The following SLAMF1 variants were observed in gnomAD, a reference collection of about 807,000 sequenced individuals.
SLAMF1 encodes the protein signaling lymphocytic activation molecule family member 1.
Under a neutral mutation model 35.1 loss-of-function variants are expected in SLAMF1, and 18 were observed. That is an observed-to-expected ratio of 0.51 (90% CI 0.35 to 0.76). SLAMF1 has a LOEUF of 0.76. Among genes scored for constraint, SLAMF1 ranks in the 30% least tolerant of loss-of-function variants. The probability of loss-of-function intolerance (pLI) is 0.01; values close to 1 mark genes in which losing one functional copy is unlikely to be tolerated. For missense variants in SLAMF1, 392 were observed against 413.0 expected, an observed-to-expected ratio of 0.95 and a Z score of 0.44; for synonymous variants, 168 against 157.2, an observed-to-expected ratio of 1.07 and a Z score of -0.51.
intron 3 of SLAMF1, among the ~76,000 whole-genome samples, chr1:160,633,138 A>G (rs1232938819): frequency 6.6e-6 from 1 of 152,234 alleles, no homozygotes; most frequent in African/African-American, 2.4e-5. Flanking sequence ...CCGGGGTCAC[A>G]TTCTGTAAGC....
rs532826480 is a variant in SLAMF1, at chr1:160,628,206, T to A, written c.701-4021A>T. Among the ~76,000 whole-genome samples the A allele has an allele frequency of 1.5e-3, 228 of 152,352 alleles. 1 individual carries two copies. Among genetic ancestry groups the A allele is most frequent in the Middle Eastern group, 0.014 (4 of 292 alleles). ...CAAACAAACCAAAAAAACTTTTTTT[T>A]AAAAACTTACACCAATAATTTTGTG... On this transcript the variant is annotated intron_variant, in intron 3 of 6. Transcript: ENST00000302035.
At chr1:160,631,933 A>G (rs976059936) in intron 3 of SLAMF1, among the ~76,000 whole-genome samples, 1 of 152,146 alleles carries the variant, frequency 6.6e-6, no homozygotes, top group Non-Finnish European at 1.5e-5. Context: ...TGTTGTCCTT[A>G]TGAGAAGAGG....
At chr1:160,629,206 C>T (rs997410337) in intron 3 of SLAMF1, among the ~76,000 whole-genome samples, 7 of 152,084 alleles carry the variant, frequency 4.6e-5, no homozygotes, top group Non-Finnish European at 1.0e-4. Flanking sequence ...GTGGTTTAAA[C>T]GTGATAACTT....
At chr1:160,633,031 G>A (rs1377816861) in intron 3 of SLAMF1, among the ~76,000 whole-genome samples, 1 of 152,134 alleles carries the variant, frequency 6.6e-6, no homozygotes, top group African/African-American at 2.4e-5. Flanking sequence ...ATGATGACCC[G>A]CCAGTTGCTG....
intron 3 of SLAMF1, among the ~76,000 whole-genome samples, chr1:160,632,403 C>A (rs1660210958): frequency 6.6e-6 from 1 of 152,180 alleles, no homozygotes; most frequent in Admixed American, 6.5e-5. Context: ...CTACTGCTTC[C>A]TGTCCCTCCA....
chr1:160,610,933 G>T, intron 6 of SLAMF1, 135 bp from the exon 7 acceptor site: 1 of 701,674 alleles, frequency 1.4e-6, no homozygotes. Flanking sequence ...CACAGACAGG[G>T]CCTTGCTGGG....
intron 1 of SLAMF1, among the ~76,000 whole-genome samples, chr1:160,646,202 C>G (rs1389871915): frequency 1.3e-5 from 2 of 152,330 alleles, no homozygotes; most frequent in South Asian, 2.1e-4. Context: ...TGGAGCTACT[C>G]TCTGAGGGTT....
chr1:160,612,410 T>TAAAAAA, intron 6 of SLAMF1, 78 bp downstream of exon 6: 1 of 780,080 alleles, frequency 1.3e-6, no homozygotes. Context: ...CTTCCCACCT[T>TAAAAAA]AAAAAAAAAA....
At chr1:160,621,878 G>GTGTGTGTC (rs2102293167) in intron 4 of SLAMF1, among the ~76,000 whole-genome samples, 1 of 150,578 alleles carries the variant, frequency 6.6e-6, no homozygotes, top group East Asian at 1.9e-4. Flanking sequence ...GTGTGTGTGT[G>GTGTGTGTC]TGTGTGTGTA....
chr1:160,633,569 G>A (rs1303780894), intron 3 of SLAMF1, among the ~76,000 whole-genome samples: 1 of 152,182 alleles, frequency 6.6e-6, no homozygotes, highest in East Asian at 1.9e-4. Context: ...CGATTCCTAT[G>A]TCCCCCCAGT....
chr1:160,627,281 G>T (rs1659933541), intron 3 of SLAMF1, among the ~76,000 whole-genome samples: 1 of 152,224 alleles, frequency 6.6e-6, no homozygotes, highest in Non-Finnish European at 1.5e-5. Context: ...CATGTGGTCA[G>T]TAAGTGTCAA....
rs1304881797 is a variant in SLAMF1, at chr1:160,637,307, A to T, written c.299T>A (p.Leu100Gln). 6.2e-7 allele frequency: 1 copy of T among 1,613,914 alleles called. No homozygotes were observed. The highest frequency in any genetic ancestry group is 1.6e-4 in the Middle Eastern group (1 of 6,062). ...RYLGDRYKFYLENLTLGIRES... is the reference protein window; with the variant it reads ...RYLGDRYKFYQENLTLGIRES... The stretch of plus-strand genomic sequence containing the variant: ...CCGTATCCCCAGGGTGAGATTCTCC[A>T]GATAAAACTTGTAGCGATCTCCTAG... Residue 100 changes from leucine to glutamine, a missense_variant, in exon 2 of 7, where the codon CTG becomes CAG. By Grantham distance (113) the Leu-to-Gln change is moderately radical. Transcript: ENST00000302035.
At chr1:160,634,252 G>C (rs968897300) in intron 3 of SLAMF1, 1 of 176,626 alleles carries the variant, frequency 5.7e-6, no homozygotes, top group Admixed American at 6.6e-5. Context: ...AACTGCCCCA[G>C]CATTAGTGGA....
At chr1:160,634,405 C>A in intron 3 of SLAMF1, 1 of 984,472 alleles carries the variant, frequency 1.0e-6, no homozygotes. Context: ...CTGTTGGTTT[C>A]GTCAACTGTG....
chr1:160,619,567 A>C (rs1659493906), intron 5 of SLAMF1, among the ~76,000 whole-genome samples: 1 of 152,206 alleles, frequency 6.6e-6, no homozygotes, highest in Non-Finnish European at 1.5e-5. Context: ...TTTCCTGTGA[A>C]GACTCATGAC....
rs1258280090 is a variant in SLAMF1, at chr1:160,610,280, G to A, written c.*468C>T. On this transcript the variant is annotated 3_prime_UTR_variant, in exon 7 of 7. Coordinates refer to ENST00000302035, the MANE Select transcript of SLAMF1 (RefSeq NM_003037.5). ...AAACTGAGGCACAGAGGCTTGATCA[G>A]GTCTGCAGGTTATCATGATCAGCTC... is the stretch of plus-strand genomic sequence containing the variant. The A allele has an allele frequency of 6.6e-6, 3 of 456,708 alleles. No homozygotes were observed. The highest frequency in any genetic ancestry group is 4.0e-5 in the African/African-American group (2 of 50,062). The allele number at this position is 456,708 out of a possible 1,614,324, so 28.3% of individuals were successfully genotyped here.
At chr1:160,631,251 G>A (rs1660149992) in intron 3 of SLAMF1, among the ~76,000 whole-genome samples, 1 of 152,232 alleles carries the variant, frequency 6.6e-6, no homozygotes, top group Non-Finnish European at 1.5e-5. Flanking sequence ...ATACTGCGCA[G>A]GGCAGGCCAC....
rs563361911 is a variant in SLAMF1, at chr1:160,632,211, A to G, written c.700+2402T>C. Among the ~76,000 whole-genome samples the G allele has an allele frequency of 8.5e-5, 13 of 152,274 alleles. No individual in the cohort carries two copies. The East Asian group carries it at 2.5e-3, about 29-fold the overall frequency. ...TACACAGTGGCAAGCCTCTATTGGCAGTTCTTATTGACACACACACACACT... is the reference window on the plus strand; with the variant it reads ...TACACAGTGGCAAGCCTCTATTGGCGGTTCTTATTGACACACACACACACT... On this transcript the variant is annotated intron_variant, in intron 3 of 6. Transcript: ENST00000302035.
intron 5 of SLAMF1, among the ~76,000 whole-genome samples, 193 bp downstream of exon 5, chr1:160,619,583 A>G (rs1031349698): frequency 1.3e-5 from 2 of 152,148 alleles, no homozygotes; most frequent in South Asian, 4.1e-4. Context: ...ATGACCAGAA[A>G]ATTATCCAGT....
Sources: allele counts gnomAD v4.1 joint callset (sites outside exome capture counted in the v4.1 genomes callset), GRCh38; gene constraint gnomAD v4.1.1; transcripts MANE v1.5; gene names NCBI Gene and HGNC (gene_info 2026-07-23, HGNC 2026-07-21).